Variants in WDPCP observed in about 807,000 individuals in gnomAD.
The protein encoded by WDPCP is WD repeat-containing and planar cell polarity effector protein fritz homolog.
A neutral mutation model predicts 93.1 loss-of-function variants in WDPCP; 71 were observed. The observed-to-expected ratio is 0.76, with a 90% CI of 0.63 to 0.93. The LOEUF (loss-of-function observed/expected upper bound fraction) is 0.93. WDPCP is among the 40% of genes least tolerant of loss of function. The pLI, the probability that WDPCP is intolerant of heterozygous loss-of-function variation, is 0.00. For missense variants in WDPCP, 844 were observed against 887.4 expected, an observed-to-expected ratio of 0.95 and a Z score of 0.62; for synonymous variants, 315 against 315.0, an observed-to-expected ratio of 1.00 and a Z score of 0.00.
chr2:63,172,851 G>A (rs1673500150), intron 15 of WDPCP, among the ~76,000 whole-genome samples: 1 of 152,088 alleles, frequency 6.6e-6, no homozygotes, highest in South Asian at 2.1e-4. Flanking sequence ...AGCTTCTCAG[G>A]GAAAAGGCAG....
chr2:63,239,966 T>C (rs1453220357), intron 14 of WDPCP, among the ~76,000 whole-genome samples: 3 of 152,206 alleles, frequency 2.0e-5, no homozygotes, highest in Non-Finnish European at 4.4e-5. Flanking sequence ...CAGAGTTATA[T>C]GTTGGCTAGA....
intron 14 of WDPCP, among the ~76,000 whole-genome samples, chr2:63,216,557 C>T (rs908291067): frequency 3.3e-5 from 5 of 151,778 alleles, no homozygotes; most frequent in Admixed American, 1.3e-4. Flanking sequence ...CAGGGCCTGT[C>T]GTGGTATTGG....
intron 12 of WDPCP, among the ~76,000 whole-genome samples, chr2:63,317,335 G>A (rs977115072): frequency 7.3e-5 from 11 of 151,442 alleles, no homozygotes; most frequent in Admixed American, 6.6e-4. Flanking sequence ...TTGAATCTGG[G>A]AGGCAGAGGT....
intron 12 of WDPCP, among the ~76,000 whole-genome samples, chr2:63,360,403 C>T (rs2104651118): frequency 6.6e-6 from 1 of 152,246 alleles, no homozygotes; most frequent in Admixed American, 6.5e-5. Flanking sequence ...TCCAGAAACC[C>T]TTGTTGGTTT....
intron 1 of WDPCP, among the ~76,000 whole-genome samples, chr2:63,575,428 G>C (rs13017184): frequency 0.68 from 19,819 of 29,140 alleles, 5,770 homozygotes; most frequent in East Asian, 0.91. Flanking sequence ...ACTGTATACA[G>C]TGTATATACA....
intron 1 of WDPCP, among the ~76,000 whole-genome samples, chr2:63,514,181 G>A (rs76938463): frequency 1.1e-3 from 171 of 152,294 alleles, no homozygotes; most frequent in African/African-American, 4.0e-3. Flanking sequence ...AGCTGGGAAA[G>A]ATGAATGCTG....
chr2:63,702,002 C>G lies in WDPCP; in HGVS notation n.309-51164G>C, dbSNP rs181878301. Among the ~76,000 whole-genome samples, 19 of 152,164 alleles carry G rather than the reference C, an allele frequency of 1.2e-4. No homozygotes were observed. The East Asian group carries it at 2.9e-3, about 23-fold the overall frequency. On this transcript the variant is annotated intron_variant and non_coding_transcript_variant, in intron 2 of 4. Transcript: ENST00000467687. ...TCAAAATAATTAGACGAGAATAATT[C>G]AATTGTTCCTAGCATAAAGAAAAGA...
chr2:63,290,797 CTTTT>C (rs1271737449), intron 13 of WDPCP, among the ~76,000 whole-genome samples: 1 of 152,004 alleles, frequency 6.6e-6, no homozygotes, highest in African/African-American at 2.4e-5. Context: ...AGCTGTTGCT[CTTTT>C]TTGTTTCCTG....
At chr2:63,746,267 C>G (rs1476126827) in intron 2 of WDPCP, among the ~76,000 whole-genome samples, 2 of 152,166 alleles carry the variant, frequency 1.3e-5, no homozygotes, top group African/African-American at 2.4e-5. Context: ...ATTTCCCATG[C>G]CTGTCTTTAC....
At chr2:63,560,221 C>T (rs528217485) in intron 1 of WDPCP, among the ~76,000 whole-genome samples, 11 of 151,700 alleles carry the variant, frequency 7.3e-5, no homozygotes, top group African/African-American at 1.2e-4. Flanking sequence ...AAAAATCCGT[C>T]GCAAGAAAAT....
chr2:63,229,771 C>G (rs1484069106), intron 14 of WDPCP: 3 of 151,588 alleles, frequency 2.0e-5, no homozygotes, highest in Non-Finnish European at 2.9e-5. Context: ...TCTGAGGGCT[C>G]TGTTCTGTTC....
intron 2 of WDPCP, among the ~76,000 whole-genome samples, chr2:63,689,387 C>T (rs1668858556): frequency 6.6e-6 from 1 of 152,120 alleles, no homozygotes; most frequent in South Asian, 2.1e-4. Flanking sequence ...GCTGTTTTCT[C>T]CACTGAAAAG....
At chr2:63,191,076 A>C (rs1675002984) in intron 14 of WDPCP, among the ~76,000 whole-genome samples, 1 of 152,224 alleles carries the variant, frequency 6.6e-6, no homozygotes, top group South Asian at 2.1e-4. Flanking sequence ...ACTATTTTGA[A>C]TTATTTACCA....
At chr2:63,760,179 TAAG>T (rs1670034903) in intron 2 of WDPCP, among the ~76,000 whole-genome samples, 1 of 152,184 alleles carries the variant, frequency 6.6e-6, no homozygotes, top group African/African-American at 2.4e-5. Context: ...TTAAGAACTT[TAAG>T]ATGGTGACAA....
chr2:63,178,805 A>T (rs1674011725), intron 14 of WDPCP, among the ~76,000 whole-genome samples: 1 of 151,776 alleles, frequency 6.6e-6, no homozygotes, highest in Non-Finnish European at 1.5e-5. Context: ...TAGGTTATTA[A>T]TTTTCAATCT....
intron 13 of WDPCP, among the ~76,000 whole-genome samples, chr2:63,270,429 T>A (rs949330416): frequency 3.3e-5 from 5 of 152,170 alleles, no homozygotes; most frequent in African/African-American, 9.7e-5. Flanking sequence ...AATTTTTTTT[T>A]ATTTCTTATG....
At chr2:63,786,168 A>G (rs533447139) in intron 2 of WDPCP, among the ~76,000 whole-genome samples, 1 of 152,008 alleles carries the variant, frequency 6.6e-6, no homozygotes, top group East Asian at 1.9e-4. Context: ...GCCTCAACAC[A>G]TCTGGCTAAT....
intron 14 of WDPCP, among the ~76,000 whole-genome samples, chr2:63,245,154 C>T (rs996912816): frequency 6.6e-6 from 1 of 152,096 alleles, no homozygotes; most frequent in Non-Finnish European, 1.5e-5. Context: ...TTTCCAGACA[C>T]AGCTAGATGC....
chr2:63,710,348 G>A (rs1325942335), intron 2 of WDPCP, among the ~76,000 whole-genome samples: 1 of 152,172 alleles, frequency 6.6e-6, no homozygotes, highest in African/African-American at 2.4e-5. Flanking sequence ...CTCTCCATAC[G>A]CTTTGTGAGT....
Sources: gnomAD v4.1 joint callset for allele counts (sites outside exome capture counted in the v4.1 genomes callset) on GRCh38, gnomAD v4.1.1 for gene constraint, MANE v1.5 for transcripts, NCBI Gene and HGNC (gene_info 2026-07-23, HGNC 2026-07-21) for gene names.